Variants in NRXN1 observed in about 807,000 individuals in gnomAD.
The protein encoded by NRXN1 is neurexin-1.
Under a neutral mutation model 150.9 loss-of-function variants are expected in NRXN1, and 39 were observed. The observed-to-expected ratio is 0.26, with a 90% confidence interval of 0.20 to 0.34. The LOEUF (loss-of-function observed/expected upper bound fraction) is 0.34, where lower values mean the gene tolerates loss of function less well. Among genes scored for constraint, NRXN1 ranks in the 10% least tolerant of loss-of-function variants. NRXN1 has a pLI of 1.00. For missense variants in NRXN1, 1,815 were observed against 1,949.9 expected (o/e 0.93, Z 1.30); for synonymous variants, 924 against 757.0 (o/e 1.22, Z -3.62).
At chr2:50,826,490 G>T (rs1275580869) in intron 5 of NRXN1, among the ~76,000 whole-genome samples, 2 of 152,102 alleles carry the variant, frequency 1.3e-5, no homozygotes, top group African/African-American at 4.8e-5. Flanking sequence ...GCTACTAGAT[G>T]ATGGTGGCCT....
chr2:50,450,201 G>C (rs987817263), intron 17 of NRXN1, among the ~76,000 whole-genome samples: 3 of 152,028 alleles, frequency 2.0e-5, no homozygotes, highest in African/African-American at 7.2e-5. Context: ...TCCTGCTTCT[G>C]TCTTCCCAAT....
Position 50,158,942 on chromosome 2 carries a change from C to T in NRXN1, c.3547-67448G>A, listed in dbSNP as rs114663505. 6.2e-3 allele frequency among the ~76,000 whole-genome samples: 939 copies of T among 152,108 alleles called. 10 individuals carry two copies. The highest frequency in any genetic ancestry group is 0.022 in the African/African-American group (915 of 41,516). On this transcript the variant is annotated intron_variant, in intron 18 of 22. Coordinates refer to ENST00000401669, the MANE Select transcript of NRXN1 (RefSeq NM_001330078.2). ...CGACAAAAAACGCGTAAGATAGGGA[C>T]ATCCAAGGATCACCTACCATTCATC...
In NRXN1 at chr2:50,373,650, G is replaced by GA. The variant is rs1472076620; in HGVS notation, c.3364+91791dup. On this transcript the variant is annotated intron_variant, in intron 17 of 22. Transcript: ENST00000401669. ...GAAAAGAAAGAAAGAAAGAAAGAAA[G>GA]AAAGAAAGAAAGAAAGAAAGAAAGA... 1.1e-3 allele frequency among the ~76,000 whole-genome samples: 107 copies of GA among 95,828 alleles called. 1 individual carries two copies. The highest frequency in any genetic ancestry group is 7.4e-3 in the East Asian group (21 of 2,852). The allele number at this position is 95,828 out of a possible 152,430, so 62.9% of individuals were successfully genotyped here.
At chr2:50,373,464 C>T (rs2080186749) in intron 17 of NRXN1, among the ~76,000 whole-genome samples, 1 of 148,536 alleles carries the variant, frequency 6.7e-6, no homozygotes, top group South Asian at 2.1e-4. Context: ...CATACTCTCA[C>T]TTGCAGGAAG....
At chr2:50,552,525 G>C in intron 9 of NRXN1, 62 bp downstream of exon 9, 1 of 1,283,496 alleles carries the variant, frequency 7.8e-7, no homozygotes, top group African/African-American at 1.5e-5. Flanking sequence ...TCACTTTTAG[G>C]AATGGCATGG....
intron 21 of NRXN1, among the ~76,000 whole-genome samples, chr2:49,957,678 G>A (rs146913949): frequency 2.4e-4 from 37 of 152,278 alleles, no homozygotes; most frequent in African/African-American, 7.5e-4. Context: ...TCAAGCATTT[G>A]TCAAATCATA....
At chr2:50,291,270 A>G (rs2072893808) in intron 17 of NRXN1, among the ~76,000 whole-genome samples, 1 of 152,178 alleles carries the variant, frequency 6.6e-6, no homozygotes, top group African/African-American at 2.4e-5. Flanking sequence ...GCATGCATCT[A>G]TTAAAGCATT....
chr2:50,234,043 C>T (rs1033352695), intron 18 of NRXN1, among the ~76,000 whole-genome samples: 1 of 151,734 alleles, frequency 6.6e-6, no homozygotes, highest in East Asian at 1.9e-4. Context: ...TTCCTTTCTT[C>T]TTGGCTTCCT....
chr2:49,970,884 C>G (rs575090899), intron 21 of NRXN1, among the ~76,000 whole-genome samples: 1 of 151,864 alleles, frequency 6.6e-6, no homozygotes, highest in South Asian at 2.1e-4. Flanking sequence ...GAATAAAACA[C>G]TGGGAGCAGG....
intron 18 of NRXN1, among the ~76,000 whole-genome samples, chr2:50,138,982 T>C (rs184507522): frequency 2.2e-4 from 34 of 152,178 alleles, no homozygotes; most frequent in Admixed American, 1.0e-3. Context: ...AAGGTAAAGG[T>C]TTATTTTGTA....
chr2:50,289,125 T>C (rs973090328), intron 17 of NRXN1, among the ~76,000 whole-genome samples: 2 of 152,068 alleles, frequency 1.3e-5, no homozygotes, highest in African/African-American at 2.4e-5. Flanking sequence ...GTTTGGGAAA[T>C]GACTTAGAGG....
intron 17 of NRXN1, among the ~76,000 whole-genome samples, chr2:50,278,001 T>C (rs982634909): frequency 2.9e-4 from 43 of 150,614 alleles, no homozygotes; most frequent in South Asian, 4.2e-4. Flanking sequence ...ACTCAAAACA[T>C]CCAACAATAT....
chr2:50,766,616 C>G (rs1011241433), intron 5 of NRXN1, among the ~76,000 whole-genome samples: 3 of 152,008 alleles, frequency 2.0e-5, no homozygotes, highest in Non-Finnish European at 4.4e-5. Context: ...ATTAATCCCA[C>G]ATGAAATAAT....
At chr2:50,323,375 T>C (rs1026897150) in intron 17 of NRXN1, among the ~76,000 whole-genome samples, 2 of 152,126 alleles carry the variant, frequency 1.3e-5, no homozygotes, top group Non-Finnish European at 2.9e-5. Context: ...GAACCACTGC[T>C]TTCAGAGTGT....
intron 19 of NRXN1, among the ~76,000 whole-genome samples, chr2:50,061,037 C>T (rs74374926): frequency 0.014 from 2,141 of 152,150 alleles, 52 homozygotes; most frequent in African/African-American, 0.049. Context: ...GGTTCTCCAG[C>T]GACTAGGCCT....
chr2:50,455,349 G>C (rs193163821), intron 17 of NRXN1, among the ~76,000 whole-genome samples: 93 of 152,256 alleles, frequency 6.1e-4, no homozygotes, highest in African/African-American at 2.1e-3. Flanking sequence ...CTCAGATACC[G>C]TAGGCACTGA....
At chr2:49,977,463 A>G (rs753719234) in intron 21 of NRXN1, among the ~76,000 whole-genome samples, 5 of 152,240 alleles carry the variant, frequency 3.3e-5, no homozygotes, top group African/African-American at 4.8e-5. Flanking sequence ...TAGAGAAACC[A>G]TGTTCTAAAT....
At chr2:50,386,335 T>C (rs928707530) in intron 17 of NRXN1, among the ~76,000 whole-genome samples, 1 of 152,072 alleles carries the variant, frequency 6.6e-6, no homozygotes, top group Non-Finnish European at 1.5e-5. Context: ...AGTAATATAA[T>C]TGAAAATTAT....
At chr2:50,571,291 G>A (rs1179624717) in intron 8 of NRXN1, among the ~76,000 whole-genome samples, 1 of 152,178 alleles carries the variant, frequency 6.6e-6, no homozygotes, top group Non-Finnish European at 1.5e-5. Context: ...CAGAACAACA[G>A]GTTTGCACAG....
Sources: gnomAD v4.1 joint callset for allele counts (sites outside exome capture counted in the v4.1 genomes callset) on GRCh38, gnomAD v4.1.1 for gene constraint, MANE v1.5 for transcripts, NCBI Gene and HGNC (gene_info 2026-07-23, HGNC 2026-07-21) for gene names.